Variants in SCN3B observed in about 807,000 individuals in gnomAD.
SCN3B encodes sodium voltage-gated channel beta subunit 3.
Under a neutral mutation model 25.4 loss-of-function variants are expected in SCN3B, and 11 were observed. The ratio of observed to expected loss-of-function variants is 0.43; its 90% CI spans 0.27 to 0.72. The LOEUF (loss-of-function observed/expected upper bound fraction) is 0.72, where lower values mean the gene tolerates loss of function less well. Among genes scored for constraint, SCN3B ranks in the 30% least tolerant of loss-of-function variants. The pLI is 0.18. For missense variants in SCN3B, 218 were observed against 278.3 expected (o/e 0.78, Z 1.54); for synonymous variants, 109 against 110.7 (o/e 0.99, Z 0.09).
Position 123,642,738 on chromosome 11 carries a change from A to C in SCN3B, c.220-67T>G. ...GATGGCAGTGGGGGGAAGCCGAGTT[A>C]GGGACAGGGCAGAGAAAAGGAGCAG... On this transcript the variant is annotated intron_variant, in intron 3 of 6. Coordinates refer to ENST00000299333, the MANE Select transcript of SCN3B (RefSeq NM_001040151.2). The surrounding 1 kb of genome is among the most constrained non-coding windows in gnomAD (Gnocchi z 4.3). 1 of 1,224,770 alleles carries C rather than the reference A, an allele frequency of 8.2e-7. No individual in the cohort carries two copies. The highest frequency in any genetic ancestry group is 1.2e-6 in the Non-Finnish European group (1 of 838,732). The allele number at this position is 1,224,770 out of a possible 1,614,324, so 75.9% of individuals were successfully genotyped here.
chr11:123,634,586 C>CA (rs1955706466), intron 5 of SCN3B, among the ~76,000 whole-genome samples: 6 of 152,084 alleles, frequency 3.9e-5, no homozygotes, highest in Admixed American at 3.9e-4. Flanking sequence ...ACAAAAAATA[C>CA]AAAAAACTAG....
At chr11:123,651,915 G>T (rs1385352590) in intron 2 of SCN3B, among the ~76,000 whole-genome samples, 1 of 152,230 alleles carries the variant, frequency 6.6e-6, no homozygotes, top group African/African-American at 2.4e-5. Context: ...AAGGATGTTA[G>T]ATATCACCCG....
At chr11:123,644,840 T>TATACAC (rs1257008951) in intron 3 of SCN3B, among the ~76,000 whole-genome samples, 9 of 124,706 alleles carry the variant, frequency 7.2e-5, no homozygotes, top group Admixed American at 2.5e-4. Context: ...TATATATATA[T>TATACAC]ACACACACAC....
chr11:123,642,300 G>A lies in SCN3B; in HGVS notation c.445+146C>T. 1.3e-6 allele frequency: 1 copy of A among 775,350 alleles called. No individual in the cohort carries two copies. 48.0% of individuals were successfully genotyped at this position (775,350 alleles called of 1,614,324 possible). On this transcript the variant is annotated intron_variant, in intron 4 of 6. Coordinates refer to ENST00000299333, the MANE Select transcript of SCN3B (RefSeq NM_001040151.2). The surrounding 1 kb of genome is among the most constrained non-coding windows in gnomAD (Gnocchi z 4.3). Reference sequence around the variant, plus strand: ...GAAGCTGGCCACCAGAAGAAGATGGGTCAATGGTGACATTTTTAGATGTCA... The same window carrying A: ...GAAGCTGGCCACCAGAAGAAGATGGATCAATGGTGACATTTTTAGATGTCA...
At position 123,634,211 on chromosome 11, in the gene SCN3B, A is replaced by G. The variant is rs2137231115; in HGVS notation, c.585-5T>C. 6.2e-7 allele frequency: 1 copy of G among 1,613,224 alleles called. No individual in the cohort carries two copies. The highest frequency in any genetic ancestry group is 8.5e-7 in the Non-Finnish European group (1 of 1,179,380). On this transcript the variant is annotated splice_region_variant and splice_polypyrimidine_tract_variant and intron_variant, in intron 5 of 6. Coordinates refer to ENST00000299333, the MANE Select transcript of SCN3B (RefSeq NM_001040151.2). ...GGGATGGCAAGGTAGTCAGACCTATAGAGGACACAGGGAAAGGGAATCAGA... is the reference window on the plus strand; with the variant it reads ...GGGATGGCAAGGTAGTCAGACCTATGGAGGACACAGGGAAAGGGAATCAGA...
intron 2 of SCN3B, 41 bp downstream of exon 2, chr11:123,653,686 TTATTATTGTTAGCATTGTTA>T: frequency 6.4e-7 from 1 of 1,566,614 alleles, no homozygotes; most frequent in Non-Finnish European, 8.8e-7. Flanking sequence ...CATCAATGTG[TTATTATTGTTAGCATTGTTA>T]CTGTTACCTG....
At chr11:123,639,043 A>C in intron 4 of SCN3B, 1 of 152,574 alleles carries the variant, frequency 6.6e-6, no homozygotes, top group Admixed American at 6.4e-5. Context: ...CCTGCTGAAA[A>C]CTCTTCAATG....
At position 123,645,769 on chromosome 11, in the gene SCN3B, G is replaced by T; in HGVS notation, c.56-19C>A. On this transcript the variant is annotated intron_variant, in intron 2 of 6. Transcript: ENST00000299333. ...ACACTGACTGCAGAGAGGACAGATG[G>T]ACAGGGAAGGAACAGCAGGTGGTGG... is the stretch of plus-strand genomic sequence containing the variant. The T allele has an allele frequency of 1.2e-6, 2 of 1,613,890 alleles. No homozygotes were observed. The highest frequency in any genetic ancestry group is 1.7e-5 in the Admixed American group (1 of 60,022).
At chr11:123,654,070 C>G in intron 1 of SCN3B, 156 bp downstream of exon 1, 1 of 561,596 alleles carries the variant, frequency 1.8e-6, no homozygotes. Context: ...CGCCGGCGCT[C>G]AGCACCACGG....
intron 2 of SCN3B, among the ~76,000 whole-genome samples, chr11:123,648,347 T>C (rs1955879226): frequency 6.6e-6 from 1 of 152,246 alleles, no homozygotes; most frequent in Non-Finnish European, 1.5e-5. Context: ...TACATCTGTC[T>C]AGTAGGTTTA....
At chr11:123,652,015 C>G (rs3862613) in intron 2 of SCN3B, among the ~76,000 whole-genome samples, 23,898 of 152,154 alleles carry the variant, frequency 0.16, 1,974 homozygotes, top group Admixed American at 0.22. Context: ...GACTCCAATG[C>G]AGGTTGCACA....
At chr11:123,646,124 A>G (rs1955851737) in intron 2 of SCN3B, among the ~76,000 whole-genome samples, 1 of 152,186 alleles carries the variant, frequency 6.6e-6, no homozygotes, top group Non-Finnish European at 1.5e-5. Flanking sequence ...ACCACCACTC[A>G]TTAAAATCCA....
chr11:123,646,369 G>C (rs1355989676), intron 2 of SCN3B, among the ~76,000 whole-genome samples: 1 of 152,226 alleles, frequency 6.6e-6, no homozygotes, highest in African/African-American at 2.4e-5. Flanking sequence ...GGCTAGAAAG[G>C]TAGGCAGGGC....
chr11:123,640,751 A>C (rs1316879788), intron 4 of SCN3B: 1 of 152,130 alleles, frequency 6.6e-6, no homozygotes, highest in Non-Finnish European at 1.5e-5. Flanking sequence ...ATCAACTTGC[A>C]TATGACCTCA....
At position 123,634,164 on chromosome 11, in the gene SCN3B, A is replaced by T. The variant is rs1296340478; in HGVS notation, c.627T>A (p.Ser209=). The T allele has an allele frequency of 6.2e-6, 10 of 1,613,808 alleles. No homozygotes were observed. The highest frequency in any genetic ancestry group is 6.8e-6 in the Non-Finnish European group (8 of 1,179,916). ...LAIPSENKEN[S]AVPVEE is the part of the protein sequence containing the mutation. ...TGTTCTATTCCTCCACTGGTACCGC[A>T]GAGTTCTCCTTGTTCTCAGATGGGA... is the stretch of plus-strand genomic sequence containing the variant. The change falls in exon 6 of 7, where the codon TCT becomes TCA. Residue 209 remains serine (S), a synonymous_variant. Coordinates refer to ENST00000299333, the MANE Select transcript of SCN3B (RefSeq NM_001040151.2).
chr11:123,647,282 C>A (rs1425385099), intron 2 of SCN3B, among the ~76,000 whole-genome samples: 1 of 151,792 alleles, frequency 6.6e-6, no homozygotes, highest in East Asian at 1.9e-4. Flanking sequence ...CTGAGACAAG[C>A]CTGGGCAACA....
rs780865299 is a variant in SCN3B, at chr11:123,630,749, G to C, written c.*3050C>G. ...GACTGACTCTCAAAGCACATTGCTA[G>C]CATCCACCAAAAAGCAAAGTGGTAG... On this transcript the variant is annotated 3_prime_UTR_variant, in exon 7 of 7. Coordinates refer to ENST00000299333, the MANE Select transcript of SCN3B (RefSeq NM_001040151.2). 6.6e-5 allele frequency: 10 copies of C among 152,258 alleles called. No individual in the cohort carries two copies. Among genetic ancestry groups the C allele is most frequent in the African/African-American group, 9.6e-5 (4 of 41,458 alleles). The allele number at this position is 152,258 out of a possible 1,614,324, so 9.4% of individuals were successfully genotyped here. A position where few individuals can be genotyped will look rare whatever the true frequency, so the allele number is the denominator to read the frequency against.
At chr11:123,641,916 G>A (rs1052374069) in intron 4 of SCN3B, among the ~76,000 whole-genome samples, 14 of 152,228 alleles carry the variant, frequency 9.2e-5, no homozygotes. Flanking sequence ...GCCAGGCAGT[G>A]TGTCACGCAG....
chr11:123,638,490 T>A (rs556783528), intron 4 of SCN3B, 166 bp from the exon 5 acceptor site: 1 of 910,198 alleles, frequency 1.1e-6, no homozygotes, highest in South Asian at 1.5e-5. Context: ...GCTTTCTCAC[T>A]GACTGTCATC....
Sources: gnomAD v4.1 joint callset for allele counts (sites outside exome capture counted in the v4.1 genomes callset) on GRCh38, gnomAD v4.1.1 for gene constraint, Gnocchi (gnomAD v3.1) non-coding constraint, MANE v1.5 for transcripts, NCBI Gene and HGNC (gene_info 2026-07-23, HGNC 2026-07-21) for gene names.